Variants in RARB observed in about 807,000 individuals in gnomAD.
RARB encodes the protein HBV-activated protein.
RARB carries 17 observed loss-of-function variants against 51.9 expected under a neutral mutation model. The observed-to-expected ratio is 0.33, with a 90% CI of 0.22 to 0.49. RARB has a LOEUF of 0.49. Ranked by LOEUF, RARB falls within the 20% of genes least tolerant of loss-of-function variation. The pLI is 0.99. For synonymous variants in RARB, 215 were observed against 195.4 expected, an observed-to-expected ratio of 1.10 and a Z score of -0.84; for missense variants, 369 against 550.8, an observed-to-expected ratio of 0.67 and a Z score of 3.30.
At chr3:25,348,941 C>T (rs1292163695) in intron 5 of RARB, among the ~76,000 whole-genome samples, 1 of 152,162 alleles carries the variant, frequency 6.6e-6, no homozygotes, top group Non-Finnish European at 1.5e-5. Context: ...AGAAACACTG[C>T]AGTAGAGCAT....
chr3:25,244,715 G>A (rs549855690), intron 5 of RARB, among the ~76,000 whole-genome samples: 5 of 152,230 alleles, frequency 3.3e-5, no homozygotes, highest in African/African-American at 1.2e-4. Context: ...ATTTGCTGAG[G>A]CATGTTTTAC....
chr3:25,198,836 G>C (rs1250033605), intron 5 of RARB, among the ~76,000 whole-genome samples: 4 of 152,066 alleles, frequency 2.6e-5, no homozygotes, highest in Non-Finnish European at 5.9e-5. Flanking sequence ...ATACAGGGTT[G>C]GAGGGAATGT....
chr3:25,321,424 A>G (rs11129192), intron 5 of RARB, among the ~76,000 whole-genome samples: 76,742 of 152,008 alleles, frequency 0.5, 19,956 homozygotes, highest in East Asian at 0.88. Flanking sequence ...ACATTTTTAA[A>G]TTATGCTATC....
chr3:25,317,371 T>C (rs1178769022), intron 5 of RARB, among the ~76,000 whole-genome samples: 1 of 152,164 alleles, frequency 6.6e-6, no homozygotes, highest in Non-Finnish European at 1.5e-5. Flanking sequence ...CCTAATTTCC[T>C]GAGGAAGAAT....
At chr3:25,330,844 AAAAC>A (rs1441027490) in intron 5 of RARB, among the ~76,000 whole-genome samples, 3 of 152,254 alleles carry the variant, frequency 2.0e-5, no homozygotes, top group Non-Finnish European at 4.4e-5. Flanking sequence ...GGAAAATAAA[AAAAC>A]AAACAAAAAA....
At chr3:25,468,372 C>CTTT (rs34870919) in intron 2 of RARB, among the ~76,000 whole-genome samples, 1,525 of 81,656 alleles carry the variant, frequency 0.019, 89 homozygotes, top group African/African-American at 0.074. Context: ...GGCATTTGGG[C>CTTT]TTTTTTTTTT....
At chr3:25,110,720 GGAA>G (rs766276398) in intron 3 of RARB, among the ~76,000 whole-genome samples, 11 of 152,154 alleles carry the variant, frequency 7.2e-5, no homozygotes, top group Non-Finnish European at 1.0e-4. Flanking sequence ...CAAAATCTCA[GGAA>G]GAAGGAGTAT....
intron 1 of RARB, among the ~76,000 whole-genome samples, chr3:24,845,865 G>T (rs1702480003): frequency 6.6e-6 from 1 of 152,188 alleles, no homozygotes; most frequent in South Asian, 2.1e-4. Flanking sequence ...GTTGTTGTGA[G>T]AATTAATGAA....
At chr3:25,458,119 A>G (rs1046209435) in intron 1 of RARB, among the ~76,000 whole-genome samples, 3 of 150,892 alleles carry the variant, frequency 2.0e-5, no homozygotes, top group Non-Finnish European at 2.9e-5. Flanking sequence ...TTTTAAAATA[A>G]CAACCTTTGA....
chr3:25,037,339 T>C (rs1575130147), intron 2 of RARB, among the ~76,000 whole-genome samples: 1 of 151,934 alleles, frequency 6.6e-6, no homozygotes, highest in East Asian at 1.9e-4. Flanking sequence ...ATGTAGACTG[T>C]GGTGAAGTCA....
chr3:25,210,339 A>C, intron 5 of RARB, among the ~76,000 whole-genome samples: 1 of 151,864 alleles, frequency 6.6e-6, no homozygotes, highest in Non-Finnish European at 1.5e-5. Context: ...TATCATCTTG[A>C]CCACAGGCCA....
At chr3:25,474,017 A>G (rs1695838774) in intron 2 of RARB, among the ~76,000 whole-genome samples, 1 of 151,956 alleles carries the variant, frequency 6.6e-6, no homozygotes, top group South Asian at 2.1e-4. Flanking sequence ...TGAGCAGTAG[A>G]AAACTCTGAG....
At chr3:25,477,174 TC>T (rs1695994294) in intron 2 of RARB, among the ~76,000 whole-genome samples, 1 of 152,322 alleles carries the variant, frequency 6.6e-6, no homozygotes, top group Admixed American at 6.5e-5. Context: ...TCAATAGGCA[TC>T]CTTTATTCAT....
At chr3:24,882,850 T>A (rs927792424) in intron 2 of RARB, among the ~76,000 whole-genome samples, 2 of 152,162 alleles carry the variant, frequency 1.3e-5, no homozygotes, top group Admixed American at 1.3e-4. Context: ...AACCCATGAT[T>A]GGTTGATGAA....
intron 2 of RARB, among the ~76,000 whole-genome samples, chr3:25,041,496 G>A (rs888793863): frequency 4.0e-5 from 6 of 151,062 alleles, no homozygotes; most frequent in Non-Finnish European, 7.4e-5. Context: ...CGGAGGTGGA[G>A]GAAGACATTA....
At chr3:24,961,204 T>C (rs1696132591) in intron 2 of RARB, among the ~76,000 whole-genome samples, 1 of 152,232 alleles carries the variant, frequency 6.6e-6, no homozygotes, top group Admixed American at 6.5e-5. Flanking sequence ...CCAAAGAGAT[T>C]CTGTTGTTCA....
intron 1 of RARB, among the ~76,000 whole-genome samples, chr3:25,443,482 C>T (rs1262125765): frequency 2.0e-5 from 3 of 151,598 alleles, no homozygotes; most frequent in Non-Finnish European, 4.4e-5. Flanking sequence ...AAAGCTAAAG[C>T]GCGCCGGTAA....
At chr3:25,259,887 G>A in intron 5 of RARB, 1 of 983,386 alleles carries the variant, frequency 1.0e-6, no homozygotes, top group Non-Finnish European at 1.2e-6. Flanking sequence ...CTTCTTTCCT[G>A]GACAAGATTA....
chr3:25,155,657 A>G (rs73050339), intron 4 of RARB, among the ~76,000 whole-genome samples: 12,870 of 152,206 alleles, frequency 0.085, 717 homozygotes, highest in Non-Finnish European at 0.13. Flanking sequence ...ACTTTTTTTC[A>G]AAAAGCTTTA....
Sources: gnomAD v4.1 joint callset for allele counts (sites outside exome capture counted in the v4.1 genomes callset) on GRCh38, gnomAD v4.1.1 for gene constraint, MANE v1.5 for transcripts, NCBI Gene and HGNC (gene_info 2026-07-23, HGNC 2026-07-21) for gene names.